NES: variants seen among roughly 807,000 people sequenced by gnomAD.
The protein encoded by NES is nestin.
In NES, 27 loss-of-function variants were observed where a neutral mutation model predicts 35.6. That is an observed-to-expected ratio of 0.76 (90% confidence interval 0.56 to 1.04). NES has a LOEUF of 1.04. Ranked by LOEUF, NES falls within the 50% of genes least tolerant of loss-of-function variation. The pLI is 0.00. For missense variants in NES, 1,867 were observed against 1,983.6 expected (o/e 0.94, Z 1.12); for synonymous variants, 822 against 824.2 (o/e 1.00, Z 0.04).
In NES at chr1:156,670,703, C is replaced by T; in HGVS notation, c.3485G>A (p.Arg1162Lys). 1 of 1,614,050 alleles carries T rather than the reference C, an allele frequency of 6.2e-7. No homozygotes were observed. Reference protein sequence around the residue: ...TEFSELPGKSRDPWEPPREGR... With the variant: ...TEFSELPGKSKDPWEPPREGR... ...CTCCCTGGGAGGCTCCCAAGGGTCT[C>T]TGCTCTTCCCAGGCAGCTCGGAGAA... Residue 1162 changes from arginine (R) to lysine (K), a missense_variant, in exon 4 of 4, where the codon AGA becomes AAA. Transcript: ENST00000368223.
At position 156,670,787 on chromosome 1, in the gene NES, AC is replaced by A. The variant is rs1380133521; in HGVS notation, c.3400del (p.Val1134PhefsTer11). On this transcript the variant is annotated frameshift_variant, in exon 4 of 4. Coordinates refer to ENST00000368223, the MANE Select transcript of NES (RefSeq NM_006617.2). LOFTEE classifies it low-confidence loss of function (END_TRUNC). ...LEEESLEAKR[V>X]QGLEGPRKDL... ...CTTTCTAGGCCCTTCCAAGCCCTGA[AC>A]CCTCTTTGCCTCCAAACTCTCCTCT... is the stretch of plus-strand genomic sequence containing the variant. The A allele has an allele frequency of 6.2e-7, 1 of 1,613,558 alleles. No homozygotes were observed. Among genetic ancestry groups the A allele is most frequent in the Non-Finnish European group, 8.5e-7 (1 of 1,179,846 alleles).
rs1679646569 is a variant in NES at position 156,669,296 on chromosome 1, C to T, written c.*26G>A. 5 of 1,500,030 alleles carry T rather than the reference C, an allele frequency of 3.3e-6. No individual in the cohort carries two copies. The highest frequency in any genetic ancestry group is 4.5e-6 in the Non-Finnish European group (5 of 1,115,114). 92.9% of individuals were successfully genotyped at this position (1,500,030 alleles called of 1,614,324 possible). A position where few individuals can be genotyped will look rare whatever the true frequency, so the allele number is the denominator to read the frequency against. ...CTTCCCCTCCCCGCACCCCTAAGTC[C>T]CCAGTGCCGGGCAGATGGTCTTTTC... is the stretch of plus-strand genomic sequence containing the variant. On this transcript the variant is annotated 3_prime_UTR_variant, in exon 4 of 4. Transcript: ENST00000368223.
chr1:156,673,606 G>T, intron 2 of NES, 79 bp from the exon 3 acceptor site: 1 of 1,067,246 alleles, frequency 9.4e-7, no homozygotes, highest in Non-Finnish European at 1.4e-6. Context: ...GGACAACTCA[G>T]GCTGAGCTTG....
In NES at chr1:156,676,423, T is replaced by C. The variant is rs1445504744; in HGVS notation, c.783+59A>G. ...CTTCCCAGAAGGTCTCTGAGCTTCA[T>C]AAGGGACTTTCTGGAGCTTTCTGGG... On this transcript the variant is annotated intron_variant, in intron 1 of 3. Transcript: ENST00000368223. This position sits in a 1 kb window ranked among gnomAD's most constrained non-coding sequence, Gnocchi z 5.3. 1.1e-5 allele frequency: 17 copies of C among 1,559,470 alleles called. No homozygotes were observed. The Middle Eastern group carries it at 5.0e-4, about 46-fold the overall frequency.
Position 156,670,842 on chromosome 1 carries a change from T to C in NES, c.3346A>G (p.Arg1116Gly). ...GGLGDPGHLT[R>G]EEVMEPPLEE... The stretch of plus-strand genomic sequence containing the variant: ...AGGGGTGGTTCCATCACCTCTTCCC[T>C]GGTCAGATGGCCTGGGTCCCCCAGC... Residue 1116 changes from arginine (R) to glycine (G), a missense_variant, in exon 4 of 4, where the codon AGG becomes GGG. By Grantham distance (125) the Arg-to-Gly change is moderately radical (BLOSUM62 -2). Coordinates refer to ENST00000368223, the MANE Select transcript of NES (RefSeq NM_006617.2). 1 of 1,612,378 alleles carries C rather than the reference T, an allele frequency of 6.2e-7. No homozygotes were observed. The highest frequency in any genetic ancestry group is 8.5e-7 in the Non-Finnish European group (1 of 1,178,942).
rs1372656046 is a variant in NES, at chr1:156,677,058, T to C, written c.207A>G (p.Gln69=). The change falls in exon 1 of 4, where the codon CAA becomes CAG. Residue 69 remains glutamine, a synonymous_variant. Coordinates refer to ENST00000368223, the MANE Select transcript of NES (RefSeq NM_006617.2). The surrounding 1 kb of genome is among the most constrained non-coding windows in gnomAD (Gnocchi z 4.5). ...CGGCCGCGTGCTTCTCCCGCCAGCG[T>C]TGGTCAACGAGGGCCCGCAGGGCCG... is the stretch of plus-strand genomic sequence containing the variant. ...ELAALRALVD[Q]RWREKHAAEV... is the part of the protein sequence containing the mutation. The C allele has an allele frequency of 6.3e-7, 1 of 1,597,638 alleles. No homozygotes were observed. The highest frequency in any genetic ancestry group is 1.1e-5 in the South Asian group (1 of 89,270).
chr1:156,669,657 C>T lies in NES; in HGVS notation c.4531G>A (p.Asp1511Asn), dbSNP rs779751828. The change falls in exon 4 of 4, where the codon GAC (aspartate) becomes AAC (asparagine). Residue 1511 changes from aspartate (D) to asparagine (N), a missense_variant. Transcript: ENST00000368223. Reference protein sequence around the residue: ...ESDPVSLEREDKVPGPLEIPS... With the variant: ...ESDPVSLERENKVPGPLEIPS... ...ATCTCTAGAGGGCCAGGGACTTTGT[C>T]CTCCCTCTCCAAGGAAACAGGGTCA... 4 of 1,614,070 alleles carry T rather than the reference C, an allele frequency of 2.5e-6. No homozygotes were observed. In the East Asian group the frequency reaches 8.9e-5, roughly 36 times the overall value.
In NES at chr1:156,669,787, G is replaced by A. The variant is rs142629280; in HGVS notation, c.4401C>T (p.Val1467=). ...CACCCCTCAAGCTGTCATCCCAGGG[G>A]ACACTGACACTCACAGAATCAGACT... ...FLESDSVSVS[V]PWDDSLRGAV... Residue 1467 remains valine (V), a synonymous_variant, in exon 4 of 4, where the codon GTC becomes GTT. Transcript: ENST00000368223. The A allele has an allele frequency of 6.2e-7, 1 of 1,613,982 alleles. No individual in the cohort carries two copies.
Position 156,669,392 on chromosome 1 carries a change from C to A in NES, c.4796G>T (p.Gly1599Val), listed in dbSNP as rs753281685. 6.2e-7 allele frequency: 1 copy of A among 1,611,456 alleles called. No individual in the cohort carries two copies. Among genetic ancestry groups the A allele is most frequent in the Non-Finnish European group, 8.5e-7 (1 of 1,178,118 alleles). ...TSWAGAPVHL[G>V]QGQFLKFTQR... ...AGTGAACTTCAGGAACTGACCCTGG[C>A]CCAGGTGAACAGGAGCCCCTGCCCA... The change falls in exon 4 of 4, where the codon GGC becomes GTC. Residue 1599 changes from glycine to valine, a missense_variant. Transcript: ENST00000368223.
rs745747525 is a variant in NES at position 156,670,266 on chromosome 1, G to A, written c.3922C>T (p.Pro1308Ser). The A allele has an allele frequency of 6.2e-7, 1 of 1,611,648 alleles. No individual in the cohort carries two copies. Among genetic ancestry groups the A allele is most frequent in the South Asian group, 1.1e-5 (1 of 90,924 alleles). ...STPLGFYLRS[P>S]TSPRWDPTGE... ...GTGGGGTCCCACCTGGGGGAGGTGGGGGACCTGAGGTAGAAGCCCAGGGGA... is the reference window on the plus strand; with the variant it reads ...GTGGGGTCCCACCTGGGGGAGGTGGAGGACCTGAGGTAGAAGCCCAGGGGA... The change falls in exon 4 of 4, where the codon CCC (proline) becomes TCC (serine). Residue 1308 changes from proline (P) to serine (S), a missense_variant. Transcript: ENST00000368223.
chr1:156,673,041 G>A lies in NES; in HGVS notation c.1147C>T (p.Pro383Ser), dbSNP rs769097704. ...GGGATGGGGGTGCTGGCCAAGGTAG[G>A]GGTACGGGCCTGGAGGAATTCTTGG... ...KNQEFLQART[P>S]TLASTPIPPT... Residue 383 changes from proline to serine, a missense_variant, in exon 4 of 4, where the codon CCT becomes TCT. Pro to Ser is a moderately conservative substitution (Grantham distance 74, BLOSUM62 -1). Transcript: ENST00000368223. 1.2e-5 allele frequency: 19 copies of A among 1,611,076 alleles called. No homozygotes were observed. Among genetic ancestry groups the A allele is most frequent in the Non-Finnish European group, 1.5e-5 (18 of 1,177,914 alleles).
Position 156,676,698 on chromosome 1 carries a change from T to A in NES, c.567A>T (p.Ala189=). The change falls in exon 1 of 4, where the codon GCA becomes GCT. Residue 189 remains alanine (A), a synonymous_variant. Transcript: ENST00000368223. The surrounding 1 kb of genome is among the most constrained non-coding windows in gnomAD (Gnocchi z 5.3). The part of the protein sequence containing the change: ...ARRLGEAWRG[A]VRGYQERVAH... ...CCACGCGCTCCTGGTAGCCGCGCAC[T>A]GCCCCGCGCCACGCCTCGCCCAGTC... is the stretch of plus-strand genomic sequence containing the variant. 1 of 1,460,828 alleles carries A rather than the reference T, an allele frequency of 6.8e-7. No homozygotes were observed. Among genetic ancestry groups the A allele is most frequent in the Non-Finnish European group, 8.9e-7 (1 of 1,118,400 alleles). The allele number at this position is 1,460,828 out of a possible 1,614,324, so 90.5% of individuals were successfully genotyped here.
Position 156,677,325 on chromosome 1 carries a change from C to A in NES, c.-61G>T. ...GGGGCACCGGGAGAAGGGAGCGGCT[C>A]GCAGAGCTTTTAGGACGGAAGAGAA... On this transcript the variant is annotated 5_prime_UTR_variant, in exon 1 of 4. Coordinates refer to ENST00000368223, the MANE Select transcript of NES (RefSeq NM_006617.2). The surrounding 1 kb of genome is among the most constrained non-coding windows in gnomAD (Gnocchi z 4.5). The A allele has an allele frequency of 7.2e-7, 1 of 1,394,912 alleles. No homozygotes were observed. Among genetic ancestry groups the A allele is most frequent in the South Asian group, 1.3e-5 (1 of 76,934 alleles). The allele number at this position is 1,394,912 out of a possible 1,614,324, so 86.4% of individuals were successfully genotyped here. A position where few individuals can be genotyped will look rare whatever the true frequency, so the allele number is the denominator to read the frequency against.
In NES at chr1:156,669,678, G is replaced by A. The variant is rs1553240825; in HGVS notation, c.4510C>T (p.Pro1504Ser). ...EPSGSEEESD[P>S]VSLEREDKVP... The stretch of plus-strand genomic sequence containing the variant: ...TTGTCCTCCCTCTCCAAGGAAACAG[G>A]GTCAGACTCTTCCTCTGAGCCAGAA... Residue 1504 changes from proline (P) to serine (S), a missense_variant, in exon 4 of 4, where the codon CCT (proline) becomes TCT (serine). Transcript: ENST00000368223. The A allele has an allele frequency of 6.2e-7, 1 of 1,613,918 alleles. No homozygotes were observed. The highest frequency in any genetic ancestry group is 8.5e-7 in the Non-Finnish European group (1 of 1,179,882).
At position 156,670,664 on chromosome 1, in the gene NES, G is replaced by A. The variant is rs866948342; in HGVS notation, c.3524C>T (p.Ser1175Leu). Residue 1175 changes from serine to leucine, a missense_variant, in exon 4 of 4, where the codon TCA (serine) becomes TTA (leucine). Coordinates refer to ENST00000368223, the MANE Select transcript of NES (RefSeq NM_006617.2). Reference sequence around the variant, plus strand: ...TGCTCCCCTGGGGGCCTCAGCCTCTGACTCCTCCCTACCCTCCCTGGGAGG... The same window carrying A: ...TGCTCCCCTGGGGGCCTCAGCCTCTAACTCCTCCCTACCCTCCCTGGGAGG... ...WEPPREGREE[S>L]EAEAPRGAEE... 10 of 1,613,688 alleles carry A rather than the reference G, an allele frequency of 6.2e-6. No individual in the cohort carries two copies. In the Middle Eastern group the frequency reaches 8.2e-4, roughly 133 times the overall value.
In NES at chr1:156,670,652, G is replaced by A. The variant is rs1438266837; in HGVS notation, c.3536C>T (p.Ala1179Val). ...GAACGCCTCCTCTGCTCCCCTGGGG[G>A]CCTCAGCCTCTGACTCCTCCCTACC... ...REGREESEAE[A>V]PRGAEEAFPA... Residue 1179 changes from alanine (A) to valine (V), a missense_variant, in exon 4 of 4, where the codon GCC becomes GTC. Transcript: ENST00000368223. The A allele has an allele frequency of 1.9e-6, 3 of 1,613,698 alleles. No individual in the cohort carries two copies. The highest frequency in any genetic ancestry group is 1.3e-5 in the African/African-American group (1 of 74,912).
chr1:156,676,850 C>A lies in NES; in HGVS notation c.415G>T (p.Ala139Ser), dbSNP rs564216892. 1 of 1,509,932 alleles carries A rather than the reference C, an allele frequency of 6.6e-7. No individual in the cohort carries two copies. Among genetic ancestry groups the A allele is most frequent in the East Asian group, 2.6e-5 (1 of 38,796 alleles). The allele number at this position is 1,509,932 out of a possible 1,614,324, so 93.5% of individuals were successfully genotyped here. A position where few individuals can be genotyped will look rare whatever the true frequency, so the allele number is the denominator to read the frequency against. ...TCCTCCTCGTGCGCCACGCGTAGAG[C>A]CTCTAGCTCGCGCTCCAGCTCTGCC... is the stretch of plus-strand genomic sequence containing the variant. Reference protein sequence around the residue: ...QVAELERELEALRVAHEEERV... With the variant: ...QVAELERELESLRVAHEEERV... Residue 139 changes from alanine (A) to serine (S), a missense_variant, in exon 1 of 4, where the codon GCT (alanine) becomes TCT (serine). Transcript: ENST00000368223. The surrounding 1 kb of genome is among the most constrained non-coding windows in gnomAD (Gnocchi z 5.3).
chr1:156,673,284 A>G, intron 3 of NES, 79 bp from the exon 4 acceptor site: 1 of 1,334,218 alleles, frequency 7.5e-7, no homozygotes, highest in South Asian at 1.5e-5. Context: ...CACCGCTGGC[A>G]AGAGTATCCA....
rs1397668420 is a variant in NES at position 156,669,449 on chromosome 1, T to C, written c.4739A>G (p.Gln1580Arg). 1 of 1,613,864 alleles carries C rather than the reference T, an allele frequency of 6.2e-7. No homozygotes were observed. Among genetic ancestry groups the C allele is most frequent in the East Asian group, 2.2e-5 (1 of 44,868 alleles). The change falls in exon 4 of 4, where the codon CAG (glutamine) becomes CGG (arginine). Residue 1580 changes from glutamine to arginine, a missense_variant. Coordinates refer to ENST00000368223, the MANE Select transcript of NES (RefSeq NM_006617.2). ...VSEGDRGSPFQEEEGSALKTS... is the reference protein window; with the variant it reads ...VSEGDRGSPFREEEGSALKTS... ...CTTCAGAGCACTCCCCTCCTCCTCC[T>C]GAAAGGGGCTCCCTCGGTCTCCCTC...
Sources: gnomAD v4.1 joint callset for allele counts on GRCh38, gnomAD v4.1.1 for gene constraint, Gnocchi (gnomAD v3.1) non-coding constraint, MANE v1.5 for transcripts, NCBI Gene and HGNC (gene_info 2026-07-23, HGNC 2026-07-21) for gene names.